Variants in COL25A1 observed in about 807,000 individuals in gnomAD.
COL25A1 encodes the protein collagen type XXV alpha 1 chain.
Under a neutral mutation model 128.4 loss-of-function variants are expected in COL25A1, and 103 were observed. The ratio of observed to expected loss-of-function variants is 0.80; its 90% confidence interval spans 0.68 to 0.94. The LOEUF (loss-of-function observed/expected upper bound fraction) is 0.94. COL25A1 is among the 40% of genes least tolerant of loss of function. The probability of loss-of-function intolerance (pLI) is 0.00; values close to 1 mark genes in which losing one functional copy is unlikely to be tolerated. For missense variants in COL25A1, 745 were observed against 840.0 expected (o/e 0.89, Z 1.40); for synonymous variants, 279 against 277.2 (o/e 1.01, Z -0.06).
chr4:108,982,283 A>G (rs1408154168), intron 6 of COL25A1, among the ~76,000 whole-genome samples: 1 of 152,166 alleles, frequency 6.6e-6, no homozygotes, highest in East Asian at 1.9e-4. Context: ...TCCTGGGGGG[A>G]CGGTGGAAAT....
intron 6 of COL25A1, among the ~76,000 whole-genome samples, chr4:109,009,604 G>A (rs1756384205): frequency 6.6e-6 from 1 of 152,170 alleles, no homozygotes; most frequent in South Asian, 2.1e-4. Flanking sequence ...TAAAGAGATG[G>A]AAGATGAGTT....
At chr4:109,100,746 C>A (rs1054856874) in intron 3 of COL25A1, among the ~76,000 whole-genome samples, 1 of 152,094 alleles carries the variant, frequency 6.6e-6, no homozygotes, top group African/African-American at 2.4e-5. Context: ...AATTTCCATA[C>A]AAATAACCTG....
At chr4:108,927,265 T>A (rs1026764751) in intron 11 of COL25A1, among the ~76,000 whole-genome samples, 12 of 152,170 alleles carry the variant, frequency 7.9e-5, no homozygotes, top group Non-Finnish European at 1.6e-4. Context: ...ACTGGCTATA[T>A]TTTAACATAT....
At chr4:108,970,457 T>C (rs1300628458) in intron 8 of COL25A1, among the ~76,000 whole-genome samples, 1 of 152,190 alleles carries the variant, frequency 6.6e-6, no homozygotes, top group Non-Finnish European at 1.5e-5. Flanking sequence ...CAAATACAAA[T>C]TATATATATA....
chr4:109,008,531 A>C (rs1756258291), intron 6 of COL25A1, among the ~76,000 whole-genome samples: 2 of 152,216 alleles, frequency 1.3e-5, no homozygotes, highest in African/African-American at 4.8e-5. Flanking sequence ...GCTAAGACAG[A>C]GGTCCTATTA....
At chr4:108,910,452 C>T (rs7686946) in intron 13 of COL25A1, among the ~76,000 whole-genome samples, 3,500 of 152,206 alleles carry the variant, frequency 0.023, 119 homozygotes, top group African/African-American at 0.079. Flanking sequence ...ATATGTATTA[C>T]TTTCTTTATC....
intron 15 of COL25A1, 95 bp from the exon 16 acceptor site, chr4:108,896,806 C>G: frequency 9.5e-7 from 1 of 1,047,518 alleles, no homozygotes; most frequent in East Asian, 2.4e-5. Context: ...ATGAACACTA[C>G]ATATTAAAAT....
chr4:109,029,720 G>T (rs1758653300), intron 5 of COL25A1, among the ~76,000 whole-genome samples: 1 of 151,958 alleles, frequency 6.6e-6, no homozygotes, highest in African/African-American at 2.4e-5. Flanking sequence ...GGACAAGAAG[G>T]AACTACTATG....
In COL25A1 at chr4:108,994,749, G is replaced by A. The variant is rs187519885; in HGVS notation, c.438+15609C>T. On this transcript the variant is annotated intron_variant, in intron 6 of 37. Transcript: ENST00000399132. The stretch of plus-strand genomic sequence containing the variant: ...ACCTCATACAGGCGGGTGCCCCTCT[G>A]GGACAAAGCTTCCAGAGGAAGGATC... 6.4e-4 allele frequency among the ~76,000 whole-genome samples: 98 copies of A among 152,274 alleles called. 1 individual carries two copies. Among genetic ancestry groups the A allele is most frequent in the African/African-American group, 2.1e-3 (89 of 41,570 alleles).
At chr4:109,065,631 C>T (rs1762385406) in intron 3 of COL25A1, among the ~76,000 whole-genome samples, 1 of 151,302 alleles carries the variant, frequency 6.6e-6, no homozygotes, top group South Asian at 2.1e-4. Context: ...TCCCTTAATA[C>T]TATCCCTTAC....
chr4:108,873,814 G>C (rs1739102456), intron 19 of COL25A1, among the ~76,000 whole-genome samples: 1 of 152,072 alleles, frequency 6.6e-6, no homozygotes, highest in East Asian at 1.9e-4. Context: ...CATCAGAACG[G>C]TGTAAGATAG....
At position 109,298,623 on chromosome 4, in the gene COL25A1, G is replaced by A. The variant is rs754350769; in HGVS notation, c.367+1960C>T. On this transcript the variant is annotated intron_variant, in intron 3 of 37. Transcript: ENST00000399132. Reference sequence around the variant, plus strand: ...TCCCTAAGACAACTCCTCACTGGCCGTATTAGAAATAAATAGTTTTCCCCA... The same window carrying A: ...TCCCTAAGACAACTCCTCACTGGCCATATTAGAAATAAATAGTTTTCCCCA... 8.5e-5 allele frequency among the ~76,000 whole-genome samples: 13 copies of A among 152,284 alleles called. No individual in the cohort carries two copies. The South Asian group carries it at 2.1e-3, about 24-fold the overall frequency.
chr4:108,947,070 T>G (rs1216747184), intron 8 of COL25A1, among the ~76,000 whole-genome samples: 1 of 152,164 alleles, frequency 6.6e-6, no homozygotes, highest in African/African-American at 2.4e-5. Context: ...TTATGAATCA[T>G]GAATTCAGCT....
intron 3 of COL25A1, among the ~76,000 whole-genome samples, chr4:109,185,827 T>A (rs2126152631): frequency 6.6e-6 from 1 of 152,158 alleles, no homozygotes; most frequent in East Asian, 1.9e-4. Context: ...CCTCTCTCCA[T>A]CACCAGAGCA....
intron 11 of COL25A1, among the ~76,000 whole-genome samples, chr4:108,934,960 T>C (rs1747228206): frequency 6.6e-6 from 1 of 152,192 alleles, no homozygotes; most frequent in Non-Finnish European, 1.5e-5. Flanking sequence ...AATTTATTGC[T>C]TTGTCTTTGG....
At chr4:109,051,990 G>A (rs972362219) in intron 3 of COL25A1, among the ~76,000 whole-genome samples, 2 of 152,110 alleles carry the variant, frequency 1.3e-5, no homozygotes, top group African/African-American at 4.8e-5. Flanking sequence ...ACTGACCGTT[G>A]TCTCACCTAC....
At chr4:109,184,589 T>C (rs1383478519) in intron 3 of COL25A1, among the ~76,000 whole-genome samples, 2 of 152,164 alleles carry the variant, frequency 1.3e-5, no homozygotes, top group East Asian at 3.8e-4. Context: ...CTGAAAGAAC[T>C]TCAAGTTCCA....
chr4:109,032,274 T>A (rs554533433), intron 5 of COL25A1, among the ~76,000 whole-genome samples: 32 of 152,258 alleles, frequency 2.1e-4, no homozygotes, highest in Non-Finnish European at 2.9e-5. Flanking sequence ...CCTTCCACAG[T>A]GGAAGGCATG....
At chr4:109,218,948 T>G (rs1268436929) in intron 3 of COL25A1, among the ~76,000 whole-genome samples, 3 of 152,162 alleles carry the variant, frequency 2.0e-5, no homozygotes, top group Admixed American at 6.6e-5. Context: ...ACAAAACTTC[T>G]GTTTTCTGGA....
Sources: allele counts gnomAD v4.1 joint callset (sites outside exome capture counted in the v4.1 genomes callset), GRCh38; gene constraint gnomAD v4.1.1; transcripts MANE v1.5; gene names NCBI Gene and HGNC (gene_info 2026-07-23, HGNC 2026-07-21).